The following ZNF131 variants were observed in gnomAD, a reference collection of about 807,000 sequenced individuals.
The protein encoded by ZNF131 is zinc finger and BTB domain containing 35, also known as zinc finger protein 131.
A neutral mutation model predicts 60.0 loss-of-function variants in ZNF131; 7 were observed. The ratio of observed to expected loss-of-function variants is 0.12; its 90% confidence interval spans 0.07 to 0.22. The LOEUF (loss-of-function observed/expected upper bound fraction) is 0.22, where lower values mean the gene tolerates loss of function less well. ZNF131 is among the 10% of genes least tolerant of loss of function. The pLI is 1.00. For synonymous variants in ZNF131, 257 were observed against 253.2 expected, an observed-to-expected ratio of 1.01 and a Z score of -0.14; for missense variants, 493 against 740.9, an observed-to-expected ratio of 0.67 and a Z score of 3.88.
At position 43,130,263 on chromosome 5, in the gene ZNF131, C is replaced by CAAAAAAAAAAAAAAAAA. The variant is rs765959932; in HGVS notation, c.226+6953_226+6954insAAAAAAAAAAAAAAAAA. ...TGAGCGATAGAGTAAGACTCTGTCT[C>CAAAAAAAAAAAAAAAAA]CAAAAAAAAAAAAAAAAAAGAGGAA... On this transcript the variant is annotated intron_variant, in intron 3 of 6. Coordinates refer to ENST00000682664, the MANE Select transcript of ZNF131 (RefSeq NM_001330707.2). Among the ~76,000 whole-genome samples, 159 of 33,130 alleles carry CAAAAAAAAAAAAAAAAA rather than the reference C, an allele frequency of 4.8e-3. 18 individuals carry two copies. The highest frequency in any genetic ancestry group is 6.8e-3 in the Non-Finnish European group (133 of 19,570). The allele number at this position is 33,130 out of a possible 152,430, so 21.7% of individuals were successfully genotyped here. A position where few individuals can be genotyped will look rare whatever the true frequency, so the allele number is the denominator to read the frequency against.
chr5:43,173,937 T>C (rs1430336653), intron 6 of ZNF131, among the ~76,000 whole-genome samples: 3 of 152,140 alleles, frequency 2.0e-5, no homozygotes, highest in African/African-American at 7.2e-5. Flanking sequence ...TCTCAAAATG[T>C]ATTTAGGTGG....
intron 2 of ZNF131, 23 bp downstream of exon 2, chr5:43,122,200 G>A (rs1389646149): frequency 6.3e-7 from 1 of 1,587,668 alleles, no homozygotes; most frequent in Admixed American, 1.9e-5. Context: ...GTGGGCAGAG[G>A]AGCGAATTTT....
intron 3 of ZNF131, among the ~76,000 whole-genome samples, chr5:43,128,414 T>TG (rs1744834534): frequency 6.6e-6 from 1 of 152,060 alleles, no homozygotes; most frequent in African/African-American, 2.4e-5. Context: ...CCCAGCACTT[T>TG]GGGAGGCCGA....
chr5:43,175,522 A>G lies in ZNF131; in HGVS notation c.*389A>G, dbSNP rs201172885. On this transcript the variant is annotated 3_prime_UTR_variant, in exon 7 of 7. Coordinates refer to ENST00000682664, the MANE Select transcript of ZNF131 (RefSeq NM_001330707.2). ...ACTTAAATCATTAGAATACAAGTTT[A>G]TGTATTCTAATGCATGTTAGAAAAT... is the stretch of plus-strand genomic sequence containing the variant. 762 of 689,544 alleles carry G rather than the reference A, an allele frequency of 1.1e-3. 1 individual carries two copies. Among genetic ancestry groups the G allele is most frequent in the East Asian group, 1.2e-3 (44 of 37,094 alleles). The allele number at this position is 689,544 out of a possible 1,614,324, so 42.7% of individuals were successfully genotyped here. A position where few individuals can be genotyped will look rare whatever the true frequency, so the allele number is the denominator to read the frequency against.
At chr5:43,146,913 A>G (rs1351178511) in intron 4 of ZNF131, among the ~76,000 whole-genome samples, 3 of 152,084 alleles carry the variant, frequency 2.0e-5, no homozygotes, top group Non-Finnish European at 2.9e-5. Context: ...AAATATATAT[A>G]TATATGTATA....
chr5:43,142,048 AT>A (rs1409352162), intron 4 of ZNF131, among the ~76,000 whole-genome samples: 1 of 151,818 alleles, frequency 6.6e-6, no homozygotes. Flanking sequence ...TTGGTTAAAA[AT>A]TAGATTTTTG....
intron 6 of ZNF131, among the ~76,000 whole-genome samples, chr5:43,174,059 C>A (rs1466424073): frequency 6.6e-6 from 1 of 152,132 alleles, no homozygotes; most frequent in South Asian, 2.1e-4. Flanking sequence ...GAAACCCTGT[C>A]TCTACTAAAA....
intron 3 of ZNF131, among the ~76,000 whole-genome samples, chr5:43,138,225 C>T (rs1266605918): frequency 6.6e-6 from 1 of 151,770 alleles, no homozygotes; most frequent in Non-Finnish European, 1.5e-5. Context: ...GGGTAGATCT[C>T]ATGTTCTTAT....
Position 43,174,639 on chromosome 5 carries a change from C to T in ZNF131, c.1378C>T (p.Arg460Cys), listed in dbSNP as rs118163325. ...GGAAGAAGTTCTTTCAGTAGAAACA[C>T]GTGTGCAAACTGAACCTGTAACATC... The part of the protein sequence containing the change: ...VTEEVLSVET[R>C]VQTEPVTSMT... The change falls in exon 7 of 7, where the codon CGT becomes TGT. Residue 460 changes from arginine to cysteine, a missense_variant. Around this residue, in one of 7 missense-constraint regions of ZNF131, gnomAD observed 202 missense variants for 221.3 expected, o/e 0.91. Coordinates refer to ENST00000682664, the MANE Select transcript of ZNF131 (RefSeq NM_001330707.2). 1.1e-5 allele frequency: 17 copies of T among 1,614,064 alleles called. No individual in the cohort carries two copies. The highest frequency in any genetic ancestry group is 3.3e-5 in the Admixed American group (2 of 60,008).
chr5:43,175,205 T>TTAA lies in ZNF131; in HGVS notation c.*74_*76dup, dbSNP rs778465739. 6 of 1,426,208 alleles carry TTAA rather than the reference T, an allele frequency of 4.2e-6. No homozygotes were observed. The highest frequency in any genetic ancestry group is 5.6e-6 in the Non-Finnish European group (6 of 1,066,892). The allele number at this position is 1,426,208 out of a possible 1,614,324, so 88.3% of individuals were successfully genotyped here. A position where few individuals can be genotyped will look rare whatever the true frequency, so the allele number is the denominator to read the frequency against. On this transcript the variant is annotated 3_prime_UTR_variant, in exon 7 of 7. Transcript: ENST00000682664. ...CTGATTATGGGCAGTTTGACTGTCC[T>TTAA]TAATTAAGCCTAACAGACAAGTGGA...
intron 5 of ZNF131, among the ~76,000 whole-genome samples, chr5:43,167,138 A>G (rs1376177019): frequency 6.6e-6 from 1 of 152,246 alleles, no homozygotes; most frequent in Non-Finnish European, 1.5e-5. Flanking sequence ...GCTCTTTGTT[A>G]TGGGTGTGGG....
rs1469853780 is a variant in ZNF131 at position 43,130,312 on chromosome 5, AT to A, written c.226+7003del. 1.0e-4 allele frequency among the ~76,000 whole-genome samples: 15 copies of A among 149,204 alleles called. No individual in the cohort carries two copies. The East Asian group carries it at 3.0e-3, about 30-fold the overall frequency. On this transcript the variant is annotated intron_variant, in intron 3 of 6. Coordinates refer to ENST00000682664, the MANE Select transcript of ZNF131 (RefSeq NM_001330707.2). ...AAAGTAGAGGCAATGTAGCTGAGAG[AT>A]AATAAGACAGAATCAAAAAGTTCTG...
intron 5 of ZNF131, among the ~76,000 whole-genome samples, chr5:43,164,738 A>C (rs1321918955): frequency 6.6e-6 from 1 of 152,218 alleles, no homozygotes; most frequent in Non-Finnish European, 1.5e-5. Context: ...ATATAGGGTT[A>C]AAGTACATTA....
intron 3 of ZNF131, among the ~76,000 whole-genome samples, chr5:43,132,571 C>T (rs1456269338): frequency 7.2e-6 from 1 of 139,320 alleles, no homozygotes; most frequent in Non-Finnish European, 1.5e-5. Flanking sequence ...ATTGCAGTGG[C>T]ATGATCTCAG....
chr5:43,123,555 A>G (rs1473377941), intron 3 of ZNF131: 1 of 329,350 alleles, frequency 3.0e-6, no homozygotes. Flanking sequence ...AAAAACTTAG[A>G]TGGTAGATGT....
At chr5:43,128,778 G>A (rs1303531592) in intron 3 of ZNF131, among the ~76,000 whole-genome samples, 1 of 150,890 alleles carries the variant, frequency 6.6e-6, no homozygotes. Context: ...TGGAGACAGG[G>A]TCTTGCTCTG....
At chr5:43,160,993 TC>T (rs1248723770) in intron 4 of ZNF131, among the ~76,000 whole-genome samples, 1 of 152,112 alleles carries the variant, frequency 6.6e-6, no homozygotes, top group Non-Finnish European at 1.5e-5. Flanking sequence ...CACCTTTTTT[TC>T]CCCCATAAAA....
At chr5:43,173,285 A>T in intron 5 of ZNF131, 33 bp from the exon 6 acceptor site, 1 of 1,498,518 alleles carries the variant, frequency 6.7e-7, no homozygotes. Flanking sequence ...ATTTTTCTTA[A>T]TTTGCCAACG....
At chr5:43,161,114 A>T in intron 4 of ZNF131, 135 bp from the exon 5 acceptor site, 1 of 740,626 alleles carries the variant, frequency 1.4e-6, no homozygotes, top group Non-Finnish European at 2.2e-6. Flanking sequence ...AAGTCTTGAA[A>T]TCAGGTAGGA....
Sources: allele counts gnomAD v4.1 joint callset (sites outside exome capture counted in the v4.1 genomes callset), GRCh38; gene constraint gnomAD v4.1.1; regional missense constraint gnomAD v4.1.1; transcripts MANE v1.5; gene names NCBI Gene and HGNC (gene_info 2026-07-23, HGNC 2026-07-21).